Variants in TSPEAR observed in about 807,000 individuals in gnomAD.
TSPEAR encodes the protein thrombospondin-type laminin G domain and EAR repeat-containing protein.
A neutral mutation model predicts 71.6 loss-of-function variants in TSPEAR; 69 were observed. The observed-to-expected ratio is 0.96, with a 90% CI of 0.79 to 1.18. TSPEAR has a LOEUF of 1.18. Among genes scored for constraint, TSPEAR ranks in the 50% most tolerant of loss-of-function variants. The probability of loss-of-function intolerance (pLI) is 0.00; values close to 1 mark genes in which losing one functional copy is unlikely to be tolerated. For missense variants in TSPEAR, 971 were observed against 894.9 expected, an observed-to-expected ratio of 1.09 and a Z score of -1.09; for synonymous variants, 402 against 387.2, an observed-to-expected ratio of 1.04 and a Z score of -0.45.
chr21:44,518,299 G>A, intron 9 of TSPEAR: 2 of 469,850 alleles, frequency 4.3e-6, no homozygotes, highest in South Asian at 3.1e-5. Context: ...CCCTTAGCTG[G>A]AGAGGATGGC....
intron 1 of TSPEAR, among the ~76,000 whole-genome samples, chr21:44,649,267 C>T (rs1377360171): frequency 6.6e-6 from 1 of 152,176 alleles, no homozygotes; most frequent in African/African-American, 2.4e-5. Context: ...CAGCCCCAGG[C>T]GAGGCTGCTG....
chr21:44,617,344 C>T (rs587708642), intron 1 of TSPEAR, among the ~76,000 whole-genome samples: 1 of 152,368 alleles, frequency 6.6e-6, no homozygotes, highest in African/African-American at 2.4e-5. Flanking sequence ...TCTGCTCCAG[C>T]CCCAGGCTTG....
intron 1 of TSPEAR, among the ~76,000 whole-genome samples, chr21:44,662,027 T>C (rs1985524124): frequency 6.6e-6 from 1 of 152,030 alleles, no homozygotes; most frequent in South Asian, 2.1e-4. Context: ...CTAAGAATAC[T>C]AAACCAAAAA....
intron 1 of TSPEAR, among the ~76,000 whole-genome samples, chr21:44,608,840 C>T (rs1317785254): frequency 3.9e-5 from 6 of 152,208 alleles, no homozygotes; most frequent in African/African-American, 1.4e-4. Flanking sequence ...ATATGCCTAT[C>T]TATGACCAAG....
intron 9 of TSPEAR, chr21:44,517,509 G>A (rs1241080193): frequency 2.9e-5 from 9 of 312,370 alleles, no homozygotes; most frequent in African/African-American, 1.8e-4. Flanking sequence ...ATTAGCCAAT[G>A]AGCTGTGAGG....
rs587688450 is a variant in TSPEAR, at chr21:44,525,183, C to T, written c.1336+470G>A. On this transcript the variant is annotated intron_variant, in intron 8 of 11. Transcript: ENST00000323084. ...TCAGTCAGTCAGTCAGTGAAGTAGTCAGTCAGTCTGTGATGTAGTTGGTCA... is the reference window on the plus strand; with the variant it reads ...TCAGTCAGTCAGTCAGTGAAGTAGTTAGTCAGTCTGTGATGTAGTTGGTCA... Among the ~76,000 whole-genome samples, 6 of 151,896 alleles carry T rather than the reference C, an allele frequency of 4.0e-5. No homozygotes were observed. The East Asian group carries it at 7.7e-4, about 20-fold the overall frequency.
intron 1 of TSPEAR, among the ~76,000 whole-genome samples, chr21:44,659,402 G>T (rs1985368288): frequency 6.6e-6 from 1 of 151,658 alleles, no homozygotes; most frequent in African/African-American, 2.4e-5. Flanking sequence ...TTGGTGCACT[G>T]AAGGTAACCA....
intron 2 of TSPEAR, among the ~76,000 whole-genome samples, chr21:44,563,026 G>A (rs974945052): frequency 6.6e-6 from 1 of 152,040 alleles, no homozygotes; most frequent in East Asian, 1.9e-4. Context: ...ATATAAAAAG[G>A]TATATTTGGT....
rs587694895 is a variant in TSPEAR, at chr21:44,612,966, C to T, written c.83-44961G>A. Reference sequence around the variant, plus strand: ...TCCGGTCCTGTCCTGGGTTAAGTGGCTGCCCCTACCTGGGATGGGGTCTCC... The same window carrying T: ...TCCGGTCCTGTCCTGGGTTAAGTGGTTGCCCCTACCTGGGATGGGGTCTCC... On this transcript the variant is annotated intron_variant, in intron 1 of 11. Transcript: ENST00000323084. This position sits in a 1 kb window ranked among gnomAD's most constrained non-coding sequence, Gnocchi z 4.1. The T allele has an allele frequency of 1.9e-6, 3 of 1,549,996 alleles. No homozygotes were observed. Among genetic ancestry groups the T allele is most frequent in the Non-Finnish European group, 1.7e-6 (2 of 1,148,582 alleles).
intron 1 of TSPEAR, among the ~76,000 whole-genome samples, chr21:44,621,120 G>A (rs782177240): frequency 2.6e-5 from 4 of 152,180 alleles, no homozygotes; most frequent in Non-Finnish European, 5.9e-5. Flanking sequence ...TGAGGAGAGT[G>A]AGTTTTCTGC....
chr21:44,531,111 C>G lies in TSPEAR; in HGVS notation c.565G>C (p.Ala189Pro). ...CGAGCTCCTTTCACTGACAGGGTGGCTGGGAAGGGCACATCGGCCATTCTG... is the reference window on the plus strand; with the variant it reads ...CGAGCTCCTTTCACTGACAGGGTGGGTGGGAAGGGCACATCGGCCATTCTG... The part of the protein sequence containing the change: ...VDIMADVPFP[A>P]TLSVKGARFF... Residue 189 changes from alanine to proline, a missense_variant, in exon 4 of 12, where the codon GCC becomes CCC. Ala to Pro is a conservative substitution (Grantham distance 27). Transcript: ENST00000323084. 2 of 1,613,764 alleles carry G rather than the reference C, an allele frequency of 1.2e-6. No individual in the cohort carries two copies. The highest frequency in any genetic ancestry group is 1.3e-5 in the African/African-American group (1 of 75,024).
intron 1 of TSPEAR, among the ~76,000 whole-genome samples, chr21:44,620,573 C>T (rs587603494): frequency 2.2e-4 from 33 of 152,294 alleles, no homozygotes; most frequent in African/African-American, 7.2e-4. Flanking sequence ...TTTAATCAGT[C>T]TAGACAGAGG....
intron 9 of TSPEAR, among the ~76,000 whole-genome samples, chr21:44,513,725 TA>T (rs1233036573): frequency 6.6e-6 from 1 of 152,082 alleles, no homozygotes; most frequent in Non-Finnish European, 1.5e-5. Flanking sequence ...CCGGCTTTGA[TA>T]GGGCAAAGAA....
chr21:44,654,661 G>A (rs1721532982), intron 1 of TSPEAR: 8 of 1,335,374 alleles, frequency 6.0e-6, no homozygotes, highest in Non-Finnish European at 8.1e-6. Context: ...GGCTGGTCTG[G>A]AGCCTGCTTC....
chr21:44,518,281 T>A, intron 9 of TSPEAR: 1 of 469,218 alleles, frequency 2.1e-6, no homozygotes, highest in Non-Finnish European at 4.4e-6. Flanking sequence ...TTGTCAAACA[T>A]CCGGGGACCC....
chr21:44,573,938 G>A (rs782407416), intron 1 of TSPEAR: 2 of 1,612,488 alleles, frequency 1.2e-6, no homozygotes, highest in Non-Finnish European at 1.7e-6. Flanking sequence ...GCACCCCAGT[G>A]AGCCGTGTGT....
chr21:44,659,451 C>A (rs925063904), intron 1 of TSPEAR, among the ~76,000 whole-genome samples: 9 of 152,066 alleles, frequency 5.9e-5, no homozygotes, highest in African/African-American at 2.2e-4. Context: ...AGTGTCTGAC[C>A]AGATTGACTC....
At chr21:44,569,358 C>A (rs2053755570) in intron 1 of TSPEAR, among the ~76,000 whole-genome samples, 1 of 152,088 alleles carries the variant, frequency 6.6e-6, no homozygotes, top group East Asian at 1.9e-4. Flanking sequence ...CGGGCACTTA[C>A]AAAAACCGGA....
At chr21:44,575,877 G>A (rs936860918) in intron 1 of TSPEAR, among the ~76,000 whole-genome samples, 2 of 151,904 alleles carry the variant, frequency 1.3e-5, no homozygotes, top group African/African-American at 2.4e-5. Flanking sequence ...TCGACCCTCC[G>A]GCCTCTCTAA....
Sources: allele counts gnomAD v4.1 joint callset (sites outside exome capture counted in the v4.1 genomes callset), GRCh38; gene constraint gnomAD v4.1.1; non-coding constraint Gnocchi (gnomAD v3.1); transcripts MANE v1.5; gene names NCBI Gene and HGNC (gene_info 2026-07-23, HGNC 2026-07-21).